Variants in CCDC3 observed in about 807,000 individuals in gnomAD.
CCDC3 encodes coiled-coil domain containing 3, also known as coiled-coil domain-containing protein 3.
In CCDC3, 24 loss-of-function variants were observed where a neutral mutation model predicts 21.4. The ratio of observed to expected loss-of-function variants is 1.12; its 90% confidence interval spans 0.81 to 1.58. The LOEUF (loss-of-function observed/expected upper bound fraction) is 1.58. Ranked by LOEUF, CCDC3 falls within the 40% of genes most tolerant of loss-of-function variation. CCDC3 has a pLI of 0.00. For missense variants in CCDC3, 425 were observed against 360.9 expected, an observed-to-expected ratio of 1.18 and a Z score of -1.44; for synonymous variants, 186 against 166.0, an observed-to-expected ratio of 1.12 and a Z score of -0.93.
At chr10:12,939,630 ATTCT>A (rs1834788654) in intron 2 of CCDC3, among the ~76,000 whole-genome samples, 1 of 5,076 alleles carries the variant, frequency 2.0e-4, no homozygotes, top group South Asian at 0.019. Flanking sequence ...GAGCGGATCA[ATTCT>A]GTCCAGATGA....
chr10:13,061,590 G>A (rs1836758375), intron 4 of CCDC3, among the ~76,000 whole-genome samples: 2 of 152,146 alleles, frequency 1.3e-5, no homozygotes, highest in African/African-American at 4.8e-5. Context: ...ATTCTAGGGA[G>A]GCATGAGACA....
At chr10:13,067,807 C>T (rs149880663) in intron 4 of CCDC3, among the ~76,000 whole-genome samples, 217 of 152,326 alleles carry the variant, frequency 1.4e-3, no homozygotes, top group African/African-American at 5.1e-3. Context: ...ATATTGGCCA[C>T]TTGGCACGGC....
At chr10:12,990,164 G>A (rs1835659894) in intron 2 of CCDC3, among the ~76,000 whole-genome samples, 2 of 151,746 alleles carry the variant, frequency 1.3e-5, no homozygotes, top group African/African-American at 4.8e-5. Flanking sequence ...GGCTGAGGCA[G>A]GAGAATGGTG....
At chr10:13,073,509 C>CT (rs373726326) in intron 4 of CCDC3, among the ~76,000 whole-genome samples, 1,544 of 149,662 alleles carry the variant, frequency 0.01, 31 homozygotes, top group African/African-American at 0.035. Context: ...TAGATGAAGA[C>CT]TTTTTTTTTT....
At chr10:13,099,291 G>A (rs1217929469) in exon 2 of CCDC3, 4 of 152,374 alleles carry the variant, frequency 2.6e-5, no homozygotes, top group African/African-American at 9.7e-5. Context: ...TACCAGGAGA[G>A]GGCGCATCTG....
intron 2 of CCDC3, among the ~76,000 whole-genome samples, chr10:12,946,586 T>C (rs1277171065): frequency 6.6e-6 from 1 of 152,226 alleles, no homozygotes; most frequent in African/African-American, 2.4e-5. Context: ...TGGTTCACAC[T>C]ACTAAGCAGA....
intron 3 of CCDC3, among the ~76,000 whole-genome samples, chr10:13,083,834 G>A (rs1309652099): frequency 6.6e-6 from 1 of 152,164 alleles, no homozygotes; most frequent in African/African-American, 2.4e-5. Flanking sequence ...GCTGCGTAAG[G>A]GATAAAAATT....
At chr10:13,067,134 A>G (rs1690447778) in intron 4 of CCDC3, among the ~76,000 whole-genome samples, 1 of 152,032 alleles carries the variant, frequency 6.6e-6, no homozygotes, top group Non-Finnish European at 1.5e-5. Context: ...ACACCCCCTC[A>G]CCCCAATGGC....
At chr10:13,080,769 C>T (rs11258177) in intron 3 of CCDC3, among the ~76,000 whole-genome samples, 91,800 of 152,206 alleles carry the variant, frequency 0.6, 27,959 homozygotes, top group African/African-American at 0.65. Flanking sequence ...GACCTAGCCA[C>T]GGACAGACAC....
At chr10:12,952,912 GT>G (rs1835028444) in intron 2 of CCDC3, among the ~76,000 whole-genome samples, 1 of 152,112 alleles carries the variant, frequency 6.6e-6, no homozygotes, top group Admixed American at 6.5e-5. Flanking sequence ...CTGGTTAGAT[GT>G]TTTACTCTGC....
chr10:12,926,347 C>G (rs1229552318), intron 2 of CCDC3, among the ~76,000 whole-genome samples: 1 of 152,202 alleles, frequency 6.6e-6, no homozygotes, highest in Admixed American at 6.5e-5. Context: ...TTGAGCTGAA[C>G]TTAAGCATGG....
chr10:12,998,189 A>G, intron 2 of CCDC3, 149 bp downstream of exon 2: 1 of 739,908 alleles, frequency 1.4e-6, no homozygotes. Context: ...GGAGGTAAGG[A>G]GGGATAGCAG....
At chr10:12,990,078 G>A (rs11597903) in intron 2 of CCDC3, among the ~76,000 whole-genome samples, 6 of 151,588 alleles carry the variant, frequency 4.0e-5, no homozygotes, top group East Asian at 1.9e-4. Context: ...CAGTGAAACC[G>A]CATCTCTACT....
intron 3 of CCDC3, among the ~76,000 whole-genome samples, chr10:13,075,171 C>A (rs1478924173): frequency 6.6e-6 from 1 of 152,242 alleles, no homozygotes; most frequent in African/African-American, 2.4e-5. Context: ...ATCAATATCT[C>A]AGAAGCTAGG....
chr10:13,007,566 C>T (rs12357275), intron 5 of CCDC3, among the ~76,000 whole-genome samples: 2 of 152,000 alleles, frequency 1.3e-5, no homozygotes, highest in Non-Finnish European at 2.9e-5. Flanking sequence ...TACCTGTCTC[C>T]CGGAACATGC....
chr10:12,978,957 G>A lies in CCDC3; in HGVS notation c.549+19381C>T, dbSNP rs114207798. Among the ~76,000 whole-genome samples, 1,139 of 152,156 alleles carry A rather than the reference G, an allele frequency of 7.5e-3. 18 individuals are homozygous for A. The highest frequency in any genetic ancestry group is 0.026 in the African/African-American group (1,092 of 41,504). On this transcript the variant is annotated intron_variant, in intron 2 of 2. Transcript: ENST00000378825. ...CTTGGGAACTGAGTCACGCAACACC[G>A]CCTTCCTTTTGTTCCCAAATGAGAG...
intron 2 of CCDC3, among the ~76,000 whole-genome samples, chr10:12,910,250 T>C (rs1834246628): frequency 6.6e-6 from 1 of 152,210 alleles, no homozygotes; most frequent in African/African-American, 2.4e-5. Context: ...TAGCAAGACC[T>C]TGCTTCAAAT....
intron 2 of CCDC3, among the ~76,000 whole-genome samples, chr10:12,962,869 A>C (rs1835200760): frequency 6.6e-6 from 1 of 152,214 alleles, no homozygotes; most frequent in African/African-American, 2.4e-5. Flanking sequence ...AAAGCTTAGG[A>C]AGCCAATTTT....
chr10:13,083,632 A>G lies in CCDC3; in HGVS notation c.-502-9532T>C, dbSNP rs567131634. ...TGCTCACAGGCATGTCCCAGCTCAC[A>G]GCCTATGCCCCTTCCTTATTTGGGA... On this transcript the variant is annotated intron_variant, in intron 3 of 6. Coordinates refer to the CCDC3 transcript ENST00000378839. Among the ~76,000 whole-genome samples the G allele has an allele frequency of 2.6e-5, 4 of 152,366 alleles. No individual in the cohort carries two copies. The South Asian group carries it at 6.2e-4, about 24-fold the overall frequency.
Sources: allele counts gnomAD v4.1 joint callset (sites outside exome capture counted in the v4.1 genomes callset), GRCh38; gene constraint gnomAD v4.1.1; transcripts MANE v1.5; gene names NCBI Gene and HGNC (gene_info 2026-07-23, HGNC 2026-07-21).